The following USH2A variants were observed in gnomAD, a reference collection of about 807,000 sequenced individuals.
The protein encoded by USH2A is Usher syndrome 2A (autosomal recessive, mild).
Under a neutral mutation model 538.9 loss-of-function variants are expected in USH2A, and 443 were observed. The ratio of observed to expected loss-of-function variants is 0.82; its 90% CI spans 0.76 to 0.89. The LOEUF (loss-of-function observed/expected upper bound fraction) is 0.89, where lower values mean the gene tolerates loss of function less well. Among genes scored for constraint, USH2A ranks in the 40% least tolerant of loss-of-function variants. The pLI, the probability that USH2A is intolerant of heterozygous loss-of-function variation, is 0.00. For missense variants in USH2A, 6,633 were observed against 6,324.8 expected (o/e 1.05, Z -1.65); for synonymous variants, 2,413 against 2,273.5 (o/e 1.06, Z -1.75).
chr1:216,231,269 TATA>T (rs1314501023), intron 14 of USH2A, among the ~76,000 whole-genome samples: 1 of 113,634 alleles, frequency 8.8e-6, no homozygotes, highest in South Asian at 2.7e-4. Context: ...AATATATATA[TATA>T]ATATATATAC....
chr1:215,654,271 T>C lies in USH2A; in HGVS notation c.14134-3470A>G, dbSNP rs565495627. Among the ~76,000 whole-genome samples the C allele has an allele frequency of 2.2e-4, 34 of 152,290 alleles. No individual in the cohort carries two copies. The South Asian group carries it at 6.6e-3, about 30-fold the overall frequency. The stretch of plus-strand genomic sequence containing the variant: ...GTGCCATGTTGGTTTGCTGCACCCA[T>C]GAACTCATCATTTACATTAGGTATG... On this transcript the variant is annotated intron_variant, in intron 64 of 71. Transcript: ENST00000307340.
At chr1:215,726,241 T>G (rs1659813783) in intron 61 of USH2A, among the ~76,000 whole-genome samples, 1 of 152,150 alleles carries the variant, frequency 6.6e-6, no homozygotes, top group Admixed American at 6.5e-5. Flanking sequence ...GGATCACATA[T>G]CCACTAAAAA....
chr1:215,675,782 A>G (rs1050122252), intron 62 of USH2A, among the ~76,000 whole-genome samples, 166 bp from the exon 63 acceptor site: 1 of 152,136 alleles, frequency 6.6e-6, no homozygotes. Context: ...TTCAGTTAAC[A>G]TAAGGCCCAC....
At chr1:216,222,750 G>T (rs1036654666) in intron 14 of USH2A, among the ~76,000 whole-genome samples, 1 of 152,122 alleles carries the variant, frequency 6.6e-6, no homozygotes. Context: ...AGGCCAAGGC[G>T]GGCAGATCAC....
chr1:215,993,285 T>C (rs1668049314), intron 34 of USH2A, 118 bp from the exon 35 acceptor site: 2 of 1,445,168 alleles, frequency 1.4e-6, no homozygotes, highest in African/African-American at 2.8e-5. Flanking sequence ...CTACCTTTAC[T>C]TCCCCAAAAT....
intron 9 of USH2A, among the ~76,000 whole-genome samples, chr1:216,297,300 C>T (rs144015479): frequency 1.9e-4 from 29 of 152,110 alleles, no homozygotes; most frequent in Admixed American, 6.5e-4. Context: ...ATTGGATTCA[C>T]GACAGAGGAT....
chr1:215,900,032 C>A lies in USH2A; in HGVS notation c.7594+43G>T, dbSNP rs749297848. ...AAAAATTGAAGACATTTTAAGCTCC[C>A]TATGTAGAAGACATTTGGCTGTGTA... is the stretch of plus-strand genomic sequence containing the variant. On this transcript the variant is annotated intron_variant, in intron 40 of 71. Transcript: ENST00000307340. 1.1e-5 allele frequency: 18 copies of A among 1,612,964 alleles called. No individual in the cohort carries two copies. In the African/African-American group the frequency reaches 2.3e-4, roughly 20 times the overall value.
At chr1:216,168,046 T>C (rs753803102) in intron 21 of USH2A, among the ~76,000 whole-genome samples, 2 of 152,144 alleles carry the variant, frequency 1.3e-5, no homozygotes, top group Non-Finnish European at 2.9e-5. Flanking sequence ...TAACTATAAC[T>C]ATACATTTTT....
chr1:215,710,794 G>T (rs1474401294), intron 61 of USH2A, among the ~76,000 whole-genome samples: 1 of 151,954 alleles, frequency 6.6e-6, no homozygotes, highest in African/African-American at 2.4e-5. Flanking sequence ...TTTTCTGAAC[G>T]AGAATGACTA....
At chr1:215,939,593 A>G (rs992710065) in intron 37 of USH2A, among the ~76,000 whole-genome samples, 3 of 152,126 alleles carry the variant, frequency 2.0e-5, no homozygotes, top group African/African-American at 7.2e-5. Flanking sequence ...TTTTAAGGAA[A>G]AAACAGCATA....
intron 30 of USH2A, among the ~76,000 whole-genome samples, chr1:216,063,663 A>G (rs2031257044): frequency 6.6e-6 from 1 of 152,224 alleles, no homozygotes; most frequent in African/African-American, 2.4e-5. Flanking sequence ...AACAAGTATG[A>G]ATGAGTGACT....
At chr1:216,333,432 G>A (rs548645957) in intron 4 of USH2A, among the ~76,000 whole-genome samples, 4 of 152,184 alleles carry the variant, frequency 2.6e-5, no homozygotes, top group African/African-American at 9.6e-5. Flanking sequence ...GAAAGAGAAA[G>A]AATGTTGAGA....
rs767137840 is a variant in USH2A, at chr1:215,628,978, G to A, written c.15355C>T (p.Arg5119Trp). 3.2e-5 allele frequency: 52 copies of A among 1,613,826 alleles called. No individual in the cohort carries two copies. The East Asian group carries it at 7.4e-4, about 23-fold the overall frequency. ...GGGATGCGCAGGACACATGCACTCC[G>A]GTTGCTGCGGATACTCACAGGTGTC... ...SGTPVSIRSN[R>W]SACVLRIPSQ... The change falls in exon 71 of 72, where the codon CGG (arginine) becomes TGG (tryptophan). Residue 5119 changes from arginine (R) to tryptophan (W), a missense_variant. Coordinates refer to ENST00000307340, the MANE Select transcript of USH2A (RefSeq NM_206933.4).
intron 35 of USH2A, among the ~76,000 whole-genome samples, chr1:215,980,179 T>C (rs1383484948): frequency 6.6e-6 from 1 of 152,186 alleles, no homozygotes; most frequent in East Asian, 1.9e-4. Context: ...GCTAAAGCAA[T>C]AATCACTGGA....
chr1:215,640,445 A>T, intron 68 of USH2A, 113 bp downstream of exon 68: 1 of 1,423,868 alleles, frequency 7.0e-7, no homozygotes, highest in Non-Finnish European at 9.8e-7. Context: ...GGGGGCACTT[A>T]AACCAAGACA....
intron 3 of USH2A, among the ~76,000 whole-genome samples, chr1:216,407,171 A>G (rs756693877): frequency 1.2e-4 from 19 of 152,070 alleles, no homozygotes; most frequent in Non-Finnish European, 5.9e-5. Flanking sequence ...AACACTAAGT[A>G]TAAGCAAAAC....
intron 11 of USH2A, among the ~76,000 whole-genome samples, chr1:216,277,602 A>G (rs996523139): frequency 1.3e-5 from 2 of 152,106 alleles, no homozygotes; most frequent in Admixed American, 6.6e-5. Context: ...ATGAGTATTA[A>G]GCAGAGATGA....
intron 58 of USH2A, among the ~76,000 whole-genome samples, chr1:215,753,972 T>C (rs1660706768): frequency 6.6e-6 from 1 of 152,182 alleles, no homozygotes; most frequent in Non-Finnish European, 1.5e-5. Context: ...TCGATTTGGA[T>C]TTAAGGGTTA....
At chr1:216,292,616 A>C (rs978700191) in intron 9 of USH2A, among the ~76,000 whole-genome samples, 4 of 151,966 alleles carry the variant, frequency 2.6e-5, no homozygotes, top group Admixed American at 6.6e-5. Flanking sequence ...CTTAATTTTT[A>C]ATTTTTGTGG....
Sources: gnomAD v4.1 joint callset for allele counts (sites outside exome capture counted in the v4.1 genomes callset) on GRCh38, gnomAD v4.1.1 for gene constraint, MANE v1.5 for transcripts, NCBI Gene and HGNC (gene_info 2026-07-23, HGNC 2026-07-21) for gene names.